MLIP: variants seen among roughly 807,000 people sequenced by gnomAD.
The protein encoded by MLIP is muscular LMNA-interacting protein.
A neutral mutation model predicts 84.8 loss-of-function variants in MLIP; 79 were observed. That is an observed-to-expected ratio of 0.93 (90% CI 0.78 to 1.12). The LOEUF (loss-of-function observed/expected upper bound fraction) is 1.12, where lower values mean the gene tolerates loss of function less well. MLIP is among the 50% of genes most tolerant of loss of function. The pLI is 0.00. For synonymous variants in MLIP, 504 were observed against 463.0 expected (o/e 1.09, Z -1.14); for missense variants, 1,257 against 1,160.6 (o/e 1.08, Z -1.21).
At chr6:54,120,838 T>G (rs1770389151) in intron 1 of MLIP, among the ~76,000 whole-genome samples, 1 of 152,084 alleles carries the variant, frequency 6.6e-6, no homozygotes, top group Non-Finnish European at 1.5e-5. Context: ...CTACTGACTG[T>G]TTCCTGTTCA....
At position 54,137,378 on chromosome 6, in the gene MLIP, C is replaced by A. The variant is rs181378189; in HGVS notation, c.1309C>A (p.Pro437Thr). ...HQRPFSPASC[P>T]TFSLNSPASS... ...AAGACCCTTTTCCCCTGCATCCTGT[C>A]CCACCTTCTCTCTCAACTCCCCGGC... is the stretch of plus-strand genomic sequence containing the variant. Residue 437 changes from proline to threonine, a missense_variant, in exon 4 of 14, where the codon CCC becomes ACC. Coordinates refer to ENST00000502396, the MANE Select transcript of MLIP (RefSeq NM_001281747.2). The A allele has an allele frequency of 2.6e-6, 4 of 1,536,122 alleles. No homozygotes were observed. Among genetic ancestry groups the A allele is most frequent in the South Asian group, 1.2e-5 (1 of 84,042 alleles).
At chr6:54,062,907 T>C (rs1270700958) in intron 1 of MLIP, among the ~76,000 whole-genome samples, 1 of 152,078 alleles carries the variant, frequency 6.6e-6, no homozygotes, top group Admixed American at 6.6e-5. Flanking sequence ...CTAGAATTAA[T>C]ATGGGTCAAA....
rs564027236 is a variant in MLIP, at chr6:54,230,977, C to T, written c.2922+60C>T. 1.2e-4 allele frequency: 178 copies of T among 1,428,150 alleles called. No homozygotes were observed. The South Asian group carries it at 2.0e-3, about 16-fold the overall frequency. The allele number at this position is 1,428,150 out of a possible 1,614,324, so 88.5% of individuals were successfully genotyped here. A position where few individuals can be genotyped will look rare whatever the true frequency, so the allele number is the denominator to read the frequency against. Reference sequence around the variant, plus strand: ...TTCTGTGAACCTTCATTACGCTTGACTTTTAAAACTTAAATGTGGAGGAAA... The same window carrying T: ...TTCTGTGAACCTTCATTACGCTTGATTTTTAAAACTTAAATGTGGAGGAAA... On this transcript the variant is annotated intron_variant, in intron 12 of 13. Coordinates refer to ENST00000502396, the MANE Select transcript of MLIP (RefSeq NM_001281747.2).
At chr6:54,177,613 A>C (rs1242890676) in intron 9 of MLIP, among the ~76,000 whole-genome samples, 1 of 151,950 alleles carries the variant, frequency 6.6e-6, no homozygotes, top group Admixed American at 6.5e-5. Flanking sequence ...AAATTACTTC[A>C]ACCATTGTGG....
chr6:54,189,234 A>G (rs1376883712), intron 9 of MLIP, among the ~76,000 whole-genome samples: 1 of 152,224 alleles, frequency 6.6e-6, no homozygotes, highest in African/African-American at 2.4e-5. Context: ...ACTTACAAAC[A>G]TGTTCAAATT....
intron 1 of MLIP, among the ~76,000 whole-genome samples, chr6:54,083,939 T>C (rs1767325232): frequency 6.6e-6 from 1 of 152,208 alleles, no homozygotes; most frequent in South Asian, 2.1e-4. Context: ...AGCTGCTACT[T>C]TTTAGGACTA....
rs1783073742 is a variant in MLIP at position 54,257,327 on chromosome 6, C to T, written c.2942C>T (p.Ala981Val). ...ACNKLSHPMV[A>V]IPEHEALDSK... is the part of the protein sequence containing the mutation. Reference sequence around the variant, plus strand: ...GTGAAGCTGAGTCATCCAATGGTGGCTATTCCTGAACATGAAGCTCTTGAT... The same window carrying T: ...GTGAAGCTGAGTCATCCAATGGTGGTTATTCCTGAACATGAAGCTCTTGAT... Residue 981 changes from alanine (A) to valine (V), a missense_variant, in exon 13 of 14, where the codon GCT (alanine) becomes GTT (valine). Coordinates refer to ENST00000502396, the MANE Select transcript of MLIP (RefSeq NM_001281747.2). 3 of 1,612,336 alleles carry T rather than the reference C, an allele frequency of 1.9e-6. No homozygotes were observed. Among genetic ancestry groups the T allele is most frequent in the East Asian group, 4.5e-5 (2 of 44,812 alleles).
At chr6:54,083,961 A>G (rs1767327186) in intron 1 of MLIP, among the ~76,000 whole-genome samples, 1 of 152,182 alleles carries the variant, frequency 6.6e-6, no homozygotes, top group South Asian at 2.1e-4. Context: ...ATTTGAGATT[A>G]TATATTTTTT....
At chr6:54,256,760 A>G (rs544304833) in intron 12 of MLIP, among the ~76,000 whole-genome samples, 13 of 152,288 alleles carry the variant, frequency 8.5e-5, no homozygotes, top group African/African-American at 3.1e-4. Flanking sequence ...TTATAATAAC[A>G]TCACCTGGTG....
chr6:54,095,234 G>A lies in MLIP; in HGVS notation c.64-26213G>A, dbSNP rs1049983602. Among the ~76,000 whole-genome samples, 4 of 152,114 alleles carry A rather than the reference G, an allele frequency of 2.6e-5. No homozygotes were observed. The South Asian group carries it at 8.3e-4, about 32-fold the overall frequency. ...CAGCCACACAAAGCGAACTCACCTTGTGATTAGTTCATCTTGCTTATCTTG... is the reference window on the plus strand; with the variant it reads ...CAGCCACACAAAGCGAACTCACCTTATGATTAGTTCATCTTGCTTATCTTG... On this transcript the variant is annotated intron_variant, in intron 1 of 12. Coordinates refer to the MLIP transcript ENST00000274897.
intron 12 of MLIP, among the ~76,000 whole-genome samples, chr6:54,232,044 A>G (rs1341871741): frequency 6.6e-6 from 1 of 152,152 alleles, no homozygotes. Context: ...AACATTCAAT[A>G]TGACATTTTT....
chr6:54,249,569 G>A (rs1288959642), intron 12 of MLIP, among the ~76,000 whole-genome samples: 1 of 151,642 alleles, frequency 6.6e-6, no homozygotes, highest in Non-Finnish European at 1.5e-5. Context: ...TCAGAGCATT[G>A]CCTATGTTTT....
chr6:54,252,116 C>G (rs1428462881), intron 12 of MLIP, among the ~76,000 whole-genome samples: 1 of 75,174 alleles, frequency 1.3e-5, no homozygotes, highest in African/African-American at 8.1e-5. Context: ...TAATATATAA[C>G]TATATTATAA....
At chr6:54,124,062 T>A (rs1770696639) in intron 2 of MLIP, among the ~76,000 whole-genome samples, 1 of 152,218 alleles carries the variant, frequency 6.6e-6, no homozygotes, top group Admixed American at 6.5e-5. Context: ...TTAGAAACTT[T>A]CAATGGGGAT....
In MLIP at chr6:54,263,913, C is replaced by G. The variant is rs112112953; in HGVS notation, c.2977-2037C>G. 4.8e-4 allele frequency among the ~76,000 whole-genome samples: 73 copies of G among 152,152 alleles called. 2 individuals are homozygous for G. Among genetic ancestry groups the G allele is most frequent in the Middle Eastern group, 3.4e-3 (1 of 294 alleles). ...AGAATTGATTTATTTGTTGATGATTCTCACTTTTCTTACATGTTCACCTTT... is the reference window on the plus strand; with the variant it reads ...AGAATTGATTTATTTGTTGATGATTGTCACTTTTCTTACATGTTCACCTTT... On this transcript the variant is annotated intron_variant, in intron 13 of 13. Coordinates refer to ENST00000502396, the MANE Select transcript of MLIP (RefSeq NM_001281747.2).
At chr6:54,140,246 C>T (rs140822358) in intron 4 of MLIP, among the ~76,000 whole-genome samples, 2 of 152,178 alleles carry the variant, frequency 1.3e-5, no homozygotes, top group East Asian at 3.9e-4. Flanking sequence ...TGTTTCACCA[C>T]ACTTTATGTT....
chr6:54,144,639 A>G (rs1259340284), intron 4 of MLIP, among the ~76,000 whole-genome samples: 1 of 152,154 alleles, frequency 6.6e-6, no homozygotes, highest in Non-Finnish European at 1.5e-5. Flanking sequence ...TTAGGCAGTC[A>G]TACACGCTCA....
intron 12 of MLIP, among the ~76,000 whole-genome samples, chr6:54,252,670 T>C (rs959366161): frequency 6.6e-6 from 1 of 151,538 alleles, no homozygotes; most frequent in Non-Finnish European, 1.5e-5. Flanking sequence ...TTATATGAGA[T>C]CTTTAGCTTC....
At chr6:54,072,561 G>A (rs1454502428) in intron 1 of MLIP, among the ~76,000 whole-genome samples, 2 of 152,128 alleles carry the variant, frequency 1.3e-5, no homozygotes, top group Non-Finnish European at 2.9e-5. Context: ...TTATAGTTCT[G>A]GCTCCTGTAG....
Sources: allele counts gnomAD v4.1 joint callset (sites outside exome capture counted in the v4.1 genomes callset), GRCh38; gene constraint gnomAD v4.1.1; transcripts MANE v1.5; gene names NCBI Gene and HGNC (gene_info 2026-07-23, HGNC 2026-07-21).